TMEM132D: variants seen among roughly 807,000 people sequenced by gnomAD.
TMEM132D encodes transmembrane protein 132D, also known as mature OL transmembrane protein.
TMEM132D carries 21 observed loss-of-function variants against 62.3 expected under a neutral mutation model. That is an observed-to-expected ratio of 0.34 (90% CI 0.24 to 0.49). TMEM132D has a LOEUF of 0.49. Ranked by LOEUF, TMEM132D falls within the 20% of genes least tolerant of loss-of-function variation. The pLI is 0.99. For synonymous variants in TMEM132D, 621 were observed against 575.6 expected (o/e 1.08, Z -1.13); for missense variants, 1,346 against 1,402.8 (o/e 0.96, Z 0.65).
chr12:129,558,868 G>A lies in TMEM132D; in HGVS notation c.969-27663C>T, dbSNP rs74565101. On this transcript the variant is annotated intron_variant, in intron 2 of 8. Coordinates refer to ENST00000422113, the MANE Select transcript of TMEM132D (RefSeq NM_133448.3). ...TGTCCTGAGAAACACTGAATGGAGT[G>A]TACTTTGTCATAGTAATGGCACTCA... is the stretch of plus-strand genomic sequence containing the variant. Among the ~76,000 whole-genome samples the A allele has an allele frequency of 5.5e-3, 844 of 152,278 alleles. 5 individuals carry two copies. The highest frequency in any genetic ancestry group is 0.019 in the African/African-American group (804 of 41,544).
At chr12:129,731,705 C>T (rs955739525) in intron 1 of TMEM132D, among the ~76,000 whole-genome samples, 2 of 152,224 alleles carry the variant, frequency 1.3e-5, no homozygotes, top group African/African-American at 2.4e-5. Context: ...CTCTGTCGCC[C>T]GGGCTACAGT....
chr12:129,319,296 C>T (rs1055842852), intron 4 of TMEM132D, among the ~76,000 whole-genome samples: 4 of 152,162 alleles, frequency 2.6e-5, no homozygotes, highest in African/African-American at 7.2e-5. Flanking sequence ...TTCCTCTACC[C>T]CTGTATTTCG....
At chr12:129,257,992 G>A (rs1880452978) in intron 4 of TMEM132D, among the ~76,000 whole-genome samples, 1 of 152,132 alleles carries the variant, frequency 6.6e-6, no homozygotes, top group South Asian at 2.1e-4. Context: ...ATTCTGGGTT[G>A]GGTTATCTAT....
In TMEM132D at chr12:129,268,027, ATCAAT is replaced by A. The variant is rs1349667864; in HGVS notation, c.1300-58369_1300-58365del. On this transcript the variant is annotated intron_variant, in intron 4 of 8. Transcript: ENST00000422113. ...TCCCTTCCTTACACCTTATACAAAA[ATCAAT>A]TCAAGATGGATTAAAGACTTACATG... is the stretch of plus-strand genomic sequence containing the variant. 7.2e-5 allele frequency among the ~76,000 whole-genome samples: 11 copies of A among 152,344 alleles called. No homozygotes were observed. In the East Asian group the frequency reaches 2.1e-3, roughly 29 times the overall value.
At chr12:129,268,184 G>A (rs1456928161) in intron 4 of TMEM132D, among the ~76,000 whole-genome samples, 2 of 152,170 alleles carry the variant, frequency 1.3e-5, no homozygotes, top group Non-Finnish European at 2.9e-5. Context: ...ATTGACAAAT[G>A]GGATCTAATT....
chr12:129,073,803 G>T lies in TMEM132D; in HGVS notation c.*72C>A. 6 of 1,317,146 alleles carry T rather than the reference G, an allele frequency of 4.6e-6. No homozygotes were observed. The allele number at this position is 1,317,146 out of a possible 1,614,324, so 81.6% of individuals were successfully genotyped here. A position where few individuals can be genotyped will look rare whatever the true frequency, so the allele number is the denominator to read the frequency against. ...CCTGCTGCTTTGTTTCTCTTCCGGG[G>T]GCACCGTTGCTACACATCCTGGAAT... On this transcript the variant is annotated 3_prime_UTR_variant, in exon 9 of 9. Coordinates refer to ENST00000422113, the MANE Select transcript of TMEM132D (RefSeq NM_133448.3).
intron 3 of TMEM132D, among the ~76,000 whole-genome samples, chr12:129,407,391 C>G (rs1434535050): frequency 2.6e-5 from 4 of 152,156 alleles, no homozygotes; most frequent in African/African-American, 9.7e-5. Context: ...ATCCTATCCT[C>G]TCTCCGTCTC....
intron 1 of TMEM132D, among the ~76,000 whole-genome samples, chr12:129,772,170 AT>A (rs1402623560): frequency 6.6e-6 from 1 of 152,126 alleles, no homozygotes; most frequent in Non-Finnish European, 1.5e-5. Flanking sequence ...GACCTGTCTC[AT>A]TTTTTTAACA....
chr12:129,334,497 A>G (rs1869212831), intron 4 of TMEM132D, among the ~76,000 whole-genome samples: 1 of 152,216 alleles, frequency 6.6e-6, no homozygotes, highest in Non-Finnish European at 1.5e-5. Flanking sequence ...CTCTGGGAAG[A>G]CTCAGAACCA....
intron 1 of TMEM132D, among the ~76,000 whole-genome samples, chr12:129,892,285 C>T (rs552640104): frequency 3.1e-4 from 47 of 152,288 alleles, no homozygotes; most frequent in African/African-American, 1.1e-3. Context: ...TTTTCTCCAA[C>T]GTGTCCTAGA....
At chr12:129,695,116 T>C (rs915660497) in intron 2 of TMEM132D, among the ~76,000 whole-genome samples, 2 of 152,242 alleles carry the variant, frequency 1.3e-5, no homozygotes, top group African/African-American at 4.8e-5. Flanking sequence ...AAATCATTCA[T>C]TGCTCAATTA....
chr12:129,611,739 T>A (rs552546846), intron 2 of TMEM132D, among the ~76,000 whole-genome samples: 1 of 152,314 alleles, frequency 6.6e-6, no homozygotes, highest in South Asian at 2.1e-4. Context: ...TAATTCATCA[T>A]TGATGCTCAC....
At chr12:129,400,482 A>C (rs1374669465) in intron 3 of TMEM132D, among the ~76,000 whole-genome samples, 4 of 152,154 alleles carry the variant, frequency 2.6e-5, no homozygotes, top group Non-Finnish European at 5.9e-5. Context: ...GGATGAGGAA[A>C]GGGCTTTACT....
chr12:129,358,447 A>G (rs866546029), intron 3 of TMEM132D, among the ~76,000 whole-genome samples: 2 of 152,152 alleles, frequency 1.3e-5, no homozygotes, highest in African/African-American at 4.8e-5. Flanking sequence ...GTGCAGCGAC[A>G]TTACTTTGGT....
At chr12:129,176,661 T>A (rs1416149293) in intron 5 of TMEM132D, among the ~76,000 whole-genome samples, 1 of 152,258 alleles carries the variant, frequency 6.6e-6, no homozygotes, top group Non-Finnish European at 1.5e-5. Flanking sequence ...TAAAATCCAC[T>A]TCAAGACTTT....
At chr12:129,296,796 G>A (rs933760380) in intron 4 of TMEM132D, among the ~76,000 whole-genome samples, 4 of 152,178 alleles carry the variant, frequency 2.6e-5, no homozygotes, top group Admixed American at 6.5e-5. Context: ...AGGGATTGGG[G>A]AAAGGAGGGG....
At position 129,657,421 on chromosome 12, in the gene TMEM132D, G is replaced by A. The variant is rs919679336; in HGVS notation, c.968+42389C>T. Among the ~76,000 whole-genome samples the A allele has an allele frequency of 3.3e-5, 5 of 151,638 alleles. No homozygotes were observed. The South Asian group carries it at 1.1e-3, about 32-fold the overall frequency. On this transcript the variant is annotated intron_variant, in intron 2 of 8. Coordinates refer to ENST00000422113, the MANE Select transcript of TMEM132D (RefSeq NM_133448.3). ...ATGGGGCTGATCTCACATTTCCACC[G>A]TCAACTGGTTAAGTCAGAAAACAAT... is the stretch of plus-strand genomic sequence containing the variant.
In TMEM132D at chr12:129,811,554, A is replaced by T. The variant is rs543261454; in HGVS notation, c.79+91707T>A. On this transcript the variant is annotated intron_variant, in intron 1 of 8. Coordinates refer to ENST00000422113, the MANE Select transcript of TMEM132D (RefSeq NM_133448.3). ...GGACTCCAAGAAGGCTCCTGACCAA[A>T]TCCCAGGGCCTGTGCGTACAAAGAT... 4.0e-5 allele frequency among the ~76,000 whole-genome samples: 6 copies of T among 151,706 alleles called. 1 individual carries two copies. In the East Asian group the frequency reaches 7.8e-4, roughly 20 times the overall value.
intron 5 of TMEM132D, among the ~76,000 whole-genome samples, chr12:129,207,456 G>T (rs1458816882): frequency 6.6e-6 from 1 of 152,244 alleles, no homozygotes; most frequent in Non-Finnish European, 1.5e-5. Context: ...GCAGGGATGG[G>T]GAAGGCAGTG....
Sources: gnomAD v4.1 joint callset for allele counts (sites outside exome capture counted in the v4.1 genomes callset) on GRCh38, gnomAD v4.1.1 for gene constraint, MANE v1.5 for transcripts, NCBI Gene and HGNC (gene_info 2026-07-23, HGNC 2026-07-21) for gene names.